EYS: variants seen among roughly 807,000 people sequenced by gnomAD.
EYS encodes EGF-like photoreceptor maintenance factor.
A neutral mutation model predicts 282.1 loss-of-function variants in EYS; 250 were observed. The observed-to-expected ratio is 0.89, with a 90% confidence interval of 0.80 to 0.98. EYS has a LOEUF of 0.98. Ranked by LOEUF, EYS falls within the 50% of genes least tolerant of loss-of-function variation. The pLI is 0.00. For missense variants in EYS, 4,016 were observed against 3,709.0 expected, an observed-to-expected ratio of 1.08 and a Z score of -2.15; for synonymous variants, 1,355 against 1,282.9, an observed-to-expected ratio of 1.06 and a Z score of -1.20.
At chr6:65,549,811 C>A (rs1384795261) in intron 2 of EYS, among the ~76,000 whole-genome samples, 1 of 152,196 alleles carries the variant, frequency 6.6e-6, no homozygotes, top group African/African-American at 2.4e-5. Context: ...ACCCTGTCTG[C>A]CTATCCTTGT....
At chr6:64,443,796 G>C (rs3904918) in intron 26 of EYS, among the ~76,000 whole-genome samples, 36,529 of 151,998 alleles carry the variant, frequency 0.24, 4,978 homozygotes, top group East Asian at 0.39. Context: ...TGATTGTGAG[G>C]CCTCCCCAGC....
chr6:65,550,335 A>AT (rs1232195532), intron 2 of EYS, among the ~76,000 whole-genome samples: 34 of 9,348 alleles, frequency 3.6e-3, no homozygotes, highest in Admixed American at 6.9e-3. Flanking sequence ...GTTGTTTTTT[A>AT]TTTATTTTTT....
intron 29 of EYS, among the ~76,000 whole-genome samples, chr6:64,327,658 ACT>A (rs1770479154): frequency 6.6e-6 from 1 of 152,086 alleles, no homozygotes; most frequent in African/African-American, 2.4e-5. Flanking sequence ...CTACTGTAAG[ACT>A]CTAATGGCCC....
chr6:64,137,845 A>G (rs1357264300), intron 31 of EYS, among the ~76,000 whole-genome samples: 4 of 152,188 alleles, frequency 2.6e-5, no homozygotes. Flanking sequence ...ACAGAAATGC[A>G]CACTGTTGAA....
chr6:64,344,004 A>G (rs1392421843), intron 29 of EYS, among the ~76,000 whole-genome samples: 2 of 152,182 alleles, frequency 1.3e-5, no homozygotes, highest in Admixed American at 1.3e-4. Context: ...AGACTAAACC[A>G]GGAAGAAGTT....
chr6:64,143,449 A>G (rs1256119499), intron 31 of EYS, among the ~76,000 whole-genome samples: 1 of 151,762 alleles, frequency 6.6e-6, no homozygotes, highest in Non-Finnish European at 1.5e-5. Flanking sequence ...AGAAGTACAT[A>G]GGAAGAACTC....
At chr6:65,160,805 C>G (rs763552632) in intron 12 of EYS, among the ~76,000 whole-genome samples, 3 of 150,766 alleles carry the variant, frequency 2.0e-5, no homozygotes, top group African/African-American at 7.3e-5. Flanking sequence ...GTGGATATCA[C>G]GAGAAATTCA....
At chr6:65,411,824 T>C (rs1209976872) in intron 5 of EYS, among the ~76,000 whole-genome samples, 1 of 152,064 alleles carries the variant, frequency 6.6e-6, no homozygotes, top group East Asian at 1.9e-4. Flanking sequence ...TCTTTTTTTT[T>C]TTTTCGGTTA....
intron 30 of EYS, among the ~76,000 whole-genome samples, chr6:64,294,821 AAC>A (rs1465849156): frequency 6.6e-6 from 1 of 152,198 alleles, no homozygotes; most frequent in Non-Finnish European, 1.5e-5. Flanking sequence ...AAACAGTGGT[AAC>A]ACTAACTTTA....
At chr6:64,041,807 T>G (rs1322600307) in intron 33 of EYS, among the ~76,000 whole-genome samples, 3 of 152,230 alleles carry the variant, frequency 2.0e-5, no homozygotes, top group Non-Finnish European at 4.4e-5. Flanking sequence ...TCTTAATATA[T>G]CTAACTGTAA....
chr6:64,325,862 G>GA lies in EYS; in HGVS notation c.6079-18781dup, dbSNP rs574703601. The stretch of plus-strand genomic sequence containing the variant: ...TTGAACTAAATCTAAAAAAGACAAA[G>GA]AAAAAAATAAGAAAACATGAAAAGT... On this transcript the variant is annotated intron_variant, in intron 29 of 42. Coordinates refer to ENST00000503581, the MANE Select transcript of EYS (RefSeq NM_001142800.2). Among the ~76,000 whole-genome samples, 55 of 151,870 alleles carry GA rather than the reference G, an allele frequency of 3.6e-4. No individual in the cohort carries two copies. In the South Asian group the frequency reaches 0.011, roughly 30 times the overall value.
At chr6:65,364,778 A>C (rs1002204174) in intron 8 of EYS, among the ~76,000 whole-genome samples, 2 of 151,718 alleles carry the variant, frequency 1.3e-5, no homozygotes, top group African/African-American at 4.8e-5. Context: ...TGTATTAAAA[A>C]CAAGTACTTG....
chr6:63,745,583 TTCA>T (rs1769191256), intron 41 of EYS, among the ~76,000 whole-genome samples: 1 of 152,206 alleles, frequency 6.6e-6, no homozygotes, highest in African/African-American at 2.4e-5. Context: ...AAAATGCCTA[TTCA>T]CATAAAGAGT....
chr6:63,895,905 GTTTTTTTTTTT>G lies in EYS; in HGVS notation c.7056-31558_7056-31548del, dbSNP rs10705427. Among the ~76,000 whole-genome samples the G allele has an allele frequency of 8.0e-5, 10 of 124,366 alleles. No individual in the cohort carries two copies. In the East Asian group the frequency reaches 1.8e-3, roughly 23 times the overall value. The allele number at this position is 124,366 out of a possible 152,430, so 81.6% of individuals were successfully genotyped here. A position where few individuals can be genotyped will look rare whatever the true frequency, so the allele number is the denominator to read the frequency against. On this transcript the variant is annotated intron_variant, in intron 35 of 42. Coordinates refer to ENST00000503581, the MANE Select transcript of EYS (RefSeq NM_001142800.2). ...TATTTAATCGTTGAGATCATGATTT[GTTTTTTTTTTT>G]TTTTTTTTTTTTTTTTTCAGAAAGC...
chr6:65,512,182 G>A (rs944274483), intron 2 of EYS, among the ~76,000 whole-genome samples: 2 of 151,878 alleles, frequency 1.3e-5, no homozygotes, highest in African/African-American at 4.8e-5. Flanking sequence ...ACGCCTTACA[G>A]ATCCTCTTAG....
At chr6:63,975,440 T>C (rs1262790643) in intron 35 of EYS, among the ~76,000 whole-genome samples, 3 of 152,056 alleles carry the variant, frequency 2.0e-5, no homozygotes, top group African/African-American at 7.2e-5. Flanking sequence ...ATGGATGTTC[T>C]AGAAAAAAAG....
chr6:65,226,665 T>C (rs888832441), intron 12 of EYS, among the ~76,000 whole-genome samples: 4 of 152,178 alleles, frequency 2.6e-5, no homozygotes, highest in Admixed American at 2.6e-4. Context: ...CCTTCATATA[T>C]TGTTTATAGA....
intron 14 of EYS, among the ~76,000 whole-genome samples, chr6:64,984,596 G>A (rs1356141427): frequency 6.6e-6 from 1 of 151,326 alleles, no homozygotes; most frequent in Non-Finnish European, 1.5e-5. Context: ...CAAGGCAGTG[G>A]CATCATTTGA....
chr6:63,906,832 C>T (rs1773790546), intron 35 of EYS, among the ~76,000 whole-genome samples: 1 of 151,074 alleles, frequency 6.6e-6, no homozygotes, highest in South Asian at 2.1e-4. Context: ...CACAGATATA[C>T]ATATACTATG....
Sources: gnomAD v4.1 joint callset for allele counts (sites outside exome capture counted in the v4.1 genomes callset) on GRCh38, gnomAD v4.1.1 for gene constraint, MANE v1.5 for transcripts, NCBI Gene and HGNC (gene_info 2026-07-23, HGNC 2026-07-21) for gene names.